The following NEK4 variants were observed in gnomAD, a reference collection of about 807,000 sequenced individuals.
The protein encoded by NEK4 is NIMA related kinase 4, also known as serine/threonine-protein kinase Nek4.
In NEK4, 86 loss-of-function variants were observed where a neutral mutation model predicts 98.4. The observed-to-expected ratio is 0.87, with a 90% confidence interval of 0.73 to 1.05. NEK4 has a LOEUF of 1.05. Ranked by LOEUF, NEK4 falls within the 50% of genes least tolerant of loss-of-function variation. The pLI is 0.00. For missense variants in NEK4, 898 were observed against 950.3 expected (o/e 0.94, Z 0.72); for synonymous variants, 328 against 342.2 (o/e 0.96, Z 0.46).
Position 52,760,950 on chromosome 3 carries a change from AAAAG to A in NEK4, c.822-18_822-15del, listed in dbSNP as rs761788379. On this transcript the variant is annotated splice_polypyrimidine_tract_variant and intron_variant, in intron 5 of 15. Coordinates refer to ENST00000233027, the MANE Select transcript of NEK4 (RefSeq NM_003157.6). Reference sequence around the variant, plus strand: ...TTGGAGGTTTTTCTTTATAAAGAAGAAAAGAAAGAGTTATTATCAATATACTGAA... The same window carrying A: ...TTGGAGGTTTTTCTTTATAAAGAAGAAAAGAGTTATTATCAATATACTGAA... The A allele has an allele frequency of 5.9e-6, 9 of 1,518,630 alleles. No individual in the cohort carries two copies. Among genetic ancestry groups the A allele is most frequent in the South Asian group, 1.2e-5 (1 of 86,614 alleles). The allele number at this position is 1,518,630 out of a possible 1,614,324, so 94.1% of individuals were successfully genotyped here. A position where few individuals can be genotyped will look rare whatever the true frequency, so the allele number is the denominator to read the frequency against.
At position 52,765,988 on chromosome 3, in the gene NEK4, C is replaced by T; in HGVS notation, c.565G>A (p.Val189Ile). ...SNKPYNYKSDVWALGCCVYEM... is the reference protein window; with the variant it reads ...SNKPYNYKSDIWALGCCVYEM... Reference sequence around the variant, plus strand: ...TAGACACAGCATCCTAGAGCCCAAACATCAGACTAGAAAATAAAAACAGTA... The same window carrying T: ...TAGACACAGCATCCTAGAGCCCAAATATCAGACTAGAAAATAAAAACAGTA... Residue 189 changes from valine (V) to isoleucine (I), a missense_variant, in exon 4 of 16, where the codon GTT becomes ATT. Coordinates refer to ENST00000233027, the MANE Select transcript of NEK4 (RefSeq NM_003157.6). 1.2e-6 allele frequency: 2 copies of T among 1,601,866 alleles called. No homozygotes were observed. Among genetic ancestry groups the T allele is most frequent in the Non-Finnish European group, 1.7e-6 (2 of 1,169,552 alleles).
At chr3:52,751,363 G>A (rs2097404644) in intron 7 of NEK4, among the ~76,000 whole-genome samples, 1 of 151,932 alleles carries the variant, frequency 6.6e-6, no homozygotes, top group Non-Finnish European at 1.5e-5. Context: ...GGCTGACGCA[G>A]GAAAATGGTG....
intron 15 of NEK4, among the ~76,000 whole-genome samples, chr3:52,716,095 C>T (rs1578615227): frequency 6.6e-6 from 1 of 152,338 alleles, no homozygotes; most frequent in East Asian, 1.9e-4. Flanking sequence ...CAGCAACTAG[C>T]GTGTCTGACT....
intron 12 of NEK4, among the ~76,000 whole-genome samples, chr3:52,741,887 T>G (rs2154103912): frequency 6.6e-6 from 1 of 152,260 alleles, no homozygotes; most frequent in South Asian, 2.1e-4. Context: ...TCAAGTGATT[T>G]TCCTGCCTCA....
At chr3:52,726,598 C>CAAAA (rs35224191) in intron 15 of NEK4, among the ~76,000 whole-genome samples, 7 of 104,120 alleles carry the variant, frequency 6.7e-5, no homozygotes, top group East Asian at 5.7e-4. Flanking sequence ...GACTCCGTCT[C>CAAAA]AAAAAAAAAA....
intron 8 of NEK4, 121 bp from the exon 9 acceptor site, chr3:52,747,025 A>C: frequency 4.1e-6 from 3 of 723,428 alleles, no homozygotes; most frequent in Non-Finnish European, 6.8e-6. Flanking sequence ...CTCAGTTTTA[A>C]AAACTGGTTT....
Position 52,746,042 on chromosome 3 carries a change from A to C in NEK4, c.1827+19T>G, listed in dbSNP as rs2097395462. On this transcript the variant is annotated intron_variant, in intron 10 of 15. Transcript: ENST00000233027. ...CTGGTTATAAGGTTTTTAAAAATCC[A>C]GCATATGTTCCCACAAACCTTTGAT... 1 of 1,610,020 alleles carries C rather than the reference A, an allele frequency of 6.2e-7. No individual in the cohort carries two copies. Among genetic ancestry groups the C allele is most frequent in the East Asian group, 2.2e-5 (1 of 44,854 alleles).
intron 2 of NEK4, among the ~76,000 whole-genome samples, chr3:52,767,648 G>A (rs1698621142): frequency 6.6e-6 from 1 of 151,902 alleles, no homozygotes; most frequent in Non-Finnish European, 1.5e-5. Context: ...AACCTGGGAG[G>A]TGGAGGTTGC....
chr3:52,714,733 G>A (rs1195191853), intron 15 of NEK4, among the ~76,000 whole-genome samples: 1 of 152,226 alleles, frequency 6.6e-6, no homozygotes, highest in African/African-American at 2.4e-5. Flanking sequence ...AGCCAGGCCC[G>A]AGCGGCCCCA....
chr3:52,756,462 C>T (rs908187088), intron 6 of NEK4, among the ~76,000 whole-genome samples: 1 of 152,002 alleles, frequency 6.6e-6, no homozygotes, highest in Non-Finnish European at 1.5e-5. Context: ...CATATGTGGT[C>T]GAATGATTTT....
chr3:52,742,232 C>CT (rs568006345), intron 12 of NEK4, among the ~76,000 whole-genome samples: 2,167 of 145,704 alleles, frequency 0.015, 17 homozygotes, highest in South Asian at 0.038. Flanking sequence ...CTCAGCTTGT[C>CT]TTTTTTTTTT....
Position 52,744,290 on chromosome 3 carries a change from C to A in NEK4, c.1843G>T (p.Ala615Ser). Residue 615 changes from alanine to serine, a missense_variant, in exon 11 of 16, where the codon GCC becomes TCC. Ala to Ser is a moderately conservative substitution (Grantham distance 99). Coordinates refer to ENST00000233027, the MANE Select transcript of NEK4 (RefSeq NM_003157.6). ...MSSSKDRPLSARERRRLKQSQ... is the reference protein window; with the variant it reads ...MSSSKDRPLSSRERRRLKQSQ... ...TGCTTTAGTCGCCTCCTCTCTCTGG[C>A]TGATAATGGTCGATCCTTTAAAAGA... 1.2e-6 allele frequency: 2 copies of A among 1,613,664 alleles called. No individual in the cohort carries two copies. The highest frequency in any genetic ancestry group is 1.7e-6 in the Non-Finnish European group (2 of 1,179,590).
intron 15 of NEK4, among the ~76,000 whole-genome samples, chr3:52,713,305 A>T (rs62255371): frequency 6.6e-6 from 1 of 151,978 alleles, no homozygotes; most frequent in Non-Finnish European, 1.5e-5. Context: ...AACACTGGAA[A>T]AATCCAAACC....
In NEK4 at chr3:52,722,036, A is replaced by G. The variant is rs533832044; in HGVS notation, c.2434-10167T>C. Among the ~76,000 whole-genome samples the G allele has an allele frequency of 2.6e-5, 4 of 152,266 alleles. No homozygotes were observed. In the South Asian group the frequency reaches 8.3e-4, roughly 32 times the overall value. On this transcript the variant is annotated intron_variant, in intron 15 of 15. Transcript: ENST00000233027. Reference sequence around the variant, plus strand: ...GTTCCTCTTTGCTCGCCCTTTCCCAATTGATACTTTCTGAATAATGCCTTT... The same window carrying G: ...GTTCCTCTTTGCTCGCCCTTTCCCAGTTGATACTTTCTGAATAATGCCTTT...
chr3:52,753,477 G>T (rs539525085), intron 6 of NEK4: 25 of 398,290 alleles, frequency 6.3e-5, no homozygotes, highest in Non-Finnish European at 1.2e-4. Context: ...GCTGAGGACG[G>T]AAGAGTCTGA....
intron 10 of NEK4, among the ~76,000 whole-genome samples, chr3:52,745,649 G>T (rs1402941058): frequency 6.6e-6 from 1 of 151,974 alleles, no homozygotes; most frequent in Non-Finnish European, 1.5e-5. Context: ...GCAAGAAGCA[G>T]AGCTAAGATG....
chr3:52,763,888 T>C (rs201402976), intron 4 of NEK4, among the ~76,000 whole-genome samples: 1 of 152,238 alleles, frequency 6.6e-6, no homozygotes, highest in Non-Finnish European at 1.5e-5. Context: ...TAAAGACTTA[T>C]GTATCGGGAT....
chr3:52,737,768 TATAGCAAGAACACTGCAA>T (rs753564821), intron 14 of NEK4, 49 bp from the exon 15 acceptor site: 9 of 1,438,380 alleles, frequency 6.3e-6, no homozygotes, highest in Non-Finnish European at 8.6e-6. Context: ...CTTTTACCAC[TATAGCAAGAACACTGCAA>T]TTTTTTAAAA....
At chr3:52,725,586 AGGATTTGGGGCAGAGC>A (rs2097363818) in intron 15 of NEK4, among the ~76,000 whole-genome samples, 2 of 152,124 alleles carry the variant, frequency 1.3e-5, no homozygotes, top group African/African-American at 4.8e-5. Context: ...AATAACTAGA[AGGATTTGGGGCAGAGC>A]TGTTAAAAGG....
Sources: gnomAD v4.1 joint callset for allele counts (sites outside exome capture counted in the v4.1 genomes callset) on GRCh38, gnomAD v4.1.1 for gene constraint, MANE v1.5 for transcripts, NCBI Gene and HGNC (gene_info 2026-07-23, HGNC 2026-07-21) for gene names.